PIK3C2A: variants seen among roughly 807,000 people sequenced by gnomAD.
PIK3C2A encodes the protein phosphatidylinositol-4-phosphate 3-kinase catalytic subunit type 2 alpha.
In PIK3C2A, 97 loss-of-function variants were observed where a neutral mutation model predicts 204.5. The observed-to-expected ratio is 0.47, with a 90% CI of 0.40 to 0.56. The LOEUF (loss-of-function observed/expected upper bound fraction) is 0.56, where lower values mean the gene tolerates loss of function less well. Among genes scored for constraint, PIK3C2A ranks in the 20% least tolerant of loss-of-function variants. The pLI, the probability that PIK3C2A is intolerant of heterozygous loss-of-function variation, is 0.00. For missense variants in PIK3C2A, 1,735 were observed against 1,969.2 expected, an observed-to-expected ratio of 0.88 and a Z score of 2.25; for synonymous variants, 653 against 664.4, an observed-to-expected ratio of 0.98 and a Z score of 0.26.
chr11:17,149,002 T>C (rs953550719), intron 4 of PIK3C2A, among the ~76,000 whole-genome samples: 1 of 152,152 alleles, frequency 6.6e-6, no homozygotes, highest in African/African-American at 2.4e-5. Flanking sequence ...TTTAACCTAA[T>C]ACAGTTGGCC....
chr11:17,159,626 T>C (rs1343791880), intron 2 of PIK3C2A, among the ~76,000 whole-genome samples: 2 of 152,176 alleles, frequency 1.3e-5, no homozygotes, highest in East Asian at 1.9e-4. Flanking sequence ...TCTCAGTCAG[T>C]AGTCTTTGGG....
chr11:17,131,775 G>C (rs1051861151), intron 12 of PIK3C2A, 141 bp downstream of exon 12: 1 of 726,206 alleles, frequency 1.4e-6, no homozygotes, highest in South Asian at 1.6e-5. Flanking sequence ...ATCATATCTA[G>C]AAGAGAGATC....
chr11:17,103,775 A>T (rs1848718029), intron 23 of PIK3C2A, among the ~76,000 whole-genome samples: 1 of 152,254 alleles, frequency 6.6e-6, no homozygotes, highest in Non-Finnish European at 1.5e-5. Flanking sequence ...ATTCAAATCC[A>T]GGCAATATGA....
intron 22 of PIK3C2A, among the ~76,000 whole-genome samples, chr11:17,106,170 T>C (rs1848809806): frequency 7.1e-6 from 1 of 141,184 alleles, no homozygotes. Context: ...CCAGCACTTT[T>C]GGAGGCTGAG....
At chr11:17,157,267 C>T (rs1464632471) in intron 2 of PIK3C2A, among the ~76,000 whole-genome samples, 1 of 152,022 alleles carries the variant, frequency 6.6e-6, no homozygotes. Context: ...CAAGACCAGC[C>T]TGGCCAACAT....
chr11:17,092,621 G>A (rs771933880), intron 28 of PIK3C2A, among the ~76,000 whole-genome samples: 16 of 152,130 alleles, frequency 1.1e-4, no homozygotes, highest in Non-Finnish European at 1.6e-4. Flanking sequence ...GCAGTGAGCC[G>A]AGATCACTTA....
chr11:17,113,980 T>C (rs1416544472), intron 20 of PIK3C2A, among the ~76,000 whole-genome samples: 1 of 151,850 alleles, frequency 6.6e-6, no homozygotes, highest in East Asian at 1.9e-4. Flanking sequence ...CTCAGGAGGA[T>C]GAGGCAGGAG....
At position 17,169,655 on chromosome 11, in the gene PIK3C2A, T is replaced by C; in HGVS notation, c.87A>G (p.Glu29=). 2 of 1,613,408 alleles carry C rather than the reference T, an allele frequency of 1.2e-6. No homozygotes were observed. The highest frequency in any genetic ancestry group is 1.1e-5 in the South Asian group (1 of 91,080). Reference sequence around the variant, plus strand: ...CCTCTGCTTCCATCTGTAATGCTTCTTCTTTGTCCACATCTTTTGCTCTTG... The same window carrying C: ...CCTCTGCTTCCATCTGTAATGCTTCCTCTTTGTCCACATCTTTTGCTCTTG... ...EPTRAKDVDK[E]EALQMEAEAL... Residue 29 remains glutamate (E), a synonymous_variant, in exon 2 of 33, where the codon GAA becomes GAG. Coordinates refer to ENST00000691414, the MANE Select transcript of PIK3C2A (RefSeq NM_002645.4).
At chr11:17,135,677 ATGTGTGTGTGTGTGTGTGTGTG>A (rs35017690) in intron 9 of PIK3C2A, among the ~76,000 whole-genome samples, 17 of 147,504 alleles carry the variant, frequency 1.2e-4, no homozygotes, top group South Asian at 2.2e-4. Flanking sequence ...AATTTCATAT[ATGTGTGTGTGTGTGTGTGTGTG>A]TGTGTGTGTG....
intron 2 of PIK3C2A, among the ~76,000 whole-genome samples, chr11:17,158,699 A>C (rs962936192): frequency 4.6e-5 from 7 of 152,130 alleles, no homozygotes; most frequent in Non-Finnish European, 8.8e-5. Flanking sequence ...GCTTTGCTTG[A>C]CCCAAGAATC....
chr11:17,182,092 CAAA>C (rs112297790), intron 1 of PIK3C2A, among the ~76,000 whole-genome samples: 2 of 105,192 alleles, frequency 1.9e-5, no homozygotes, highest in Non-Finnish European at 2.0e-5. Flanking sequence ...AACTCTGTCT[CAAA>C]AAAAAAAAAA....
chr11:17,138,937 C>T lies in PIK3C2A; in HGVS notation c.1705-2312G>A, dbSNP rs1400392879. The stretch of plus-strand genomic sequence containing the variant: ...ATTTTTTTTTTTTGAGACGAAATCT[C>T]GCTTTTGTCCCCCAGGCTGGAGTGC... On this transcript the variant is annotated intron_variant, in intron 8 of 32. Coordinates refer to ENST00000691414, the MANE Select transcript of PIK3C2A (RefSeq NM_002645.4). Among the ~76,000 whole-genome samples, 7 of 151,764 alleles carry T rather than the reference C, an allele frequency of 4.6e-5. No individual in the cohort carries two copies. In the East Asian group the frequency reaches 5.8e-4, roughly 13 times the overall value.
intron 6 of PIK3C2A, among the ~76,000 whole-genome samples, chr11:17,147,206 A>G (rs1042352509): frequency 4.6e-5 from 7 of 152,168 alleles, no homozygotes; most frequent in African/African-American, 9.7e-5. Flanking sequence ...TTAGTATTCA[A>G]AATTTTTCCT....
chr11:17,095,668 G>A (rs1200118610), intron 27 of PIK3C2A, among the ~76,000 whole-genome samples: 1 of 151,758 alleles, frequency 6.6e-6, no homozygotes, highest in Admixed American at 6.6e-5. Flanking sequence ...CCAGAACTTC[G>A]AGAGGCCGAA....
At chr11:17,104,723 T>TAA (rs1565243070) in intron 23 of PIK3C2A, among the ~76,000 whole-genome samples, 1 of 48,564 alleles carries the variant, frequency 2.1e-5, no homozygotes, top group African/African-American at 7.9e-5. Flanking sequence ...AGACTCCATC[T>TAA]CAAAAAAAAA....
intron 3 of PIK3C2A, among the ~76,000 whole-genome samples, chr11:17,151,760 T>G (rs960847038): frequency 6.6e-6 from 1 of 152,206 alleles, no homozygotes. Flanking sequence ...ACACAGTAAG[T>G]GCTTTAACCT....
chr11:17,135,029 C>T lies in PIK3C2A; in HGVS notation c.1898G>A (p.Gly633Asp). ...AACAGGATTTTCAGGATTAAGTGAG[C>T]CTAGATTAAAGAAAAAAAAAGTTAA... Reference protein sequence around the residue: ...GEDTSRSSTRGSLNPENPVQV... With the variant: ...GEDTSRSSTRDSLNPENPVQV... The change falls in exon 11 of 33, where the codon GGC (glycine) becomes GAC (aspartate). Residue 633 changes from glycine (G) to aspartate (D), a missense_variant and splice_region_variant. By Grantham distance (94) the Gly-to-Asp change is moderately conservative (BLOSUM62 -1). Transcript: ENST00000691414. The T allele has an allele frequency of 6.2e-7, 1 of 1,613,154 alleles. No homozygotes were observed. Among genetic ancestry groups the T allele is most frequent in the Non-Finnish European group, 8.5e-7 (1 of 1,179,514 alleles).
intron 11 of PIK3C2A, among the ~76,000 whole-genome samples, chr11:17,132,551 G>C (rs1590944617): frequency 6.6e-6 from 1 of 151,020 alleles, no homozygotes; most frequent in African/African-American, 2.4e-5. Context: ...GGATGGTCTT[G>C]ATCTCCTGAC....
intron 1 of PIK3C2A, among the ~76,000 whole-genome samples, chr11:17,181,030 C>A (rs984593297): frequency 6.6e-6 from 1 of 152,054 alleles, no homozygotes; most frequent in African/African-American, 2.4e-5. Context: ...ATAAAGGATA[C>A]AACTCAGGAA....
Sources: gnomAD v4.1 joint callset for allele counts (sites outside exome capture counted in the v4.1 genomes callset) on GRCh38, gnomAD v4.1.1 for gene constraint, MANE v1.5 for transcripts, NCBI Gene and HGNC (gene_info 2026-07-23, HGNC 2026-07-21) for gene names.